CACNA1D: variants seen among roughly 807,000 people sequenced by gnomAD.
The protein encoded by CACNA1D is calcium voltage-gated channel subunit alpha1 D.
Under a neutral mutation model 257.1 loss-of-function variants are expected in CACNA1D, and 55 were observed. The observed-to-expected ratio is 0.21, with a 90% CI of 0.17 to 0.27. The LOEUF is 0.27. Ranked by LOEUF, CACNA1D falls within the 10% of genes least tolerant of loss-of-function variation. The pLI, the probability that CACNA1D is intolerant of heterozygous loss-of-function variation, is 1.00. For synonymous variants in CACNA1D, 980 were observed against 1,014.9 expected (o/e 0.97, Z 0.65); for missense variants, 1,876 against 2,784.0 (o/e 0.67, Z 7.34).
At chr3:53,535,407 G>C (rs1485142031) in intron 3 of CACNA1D, among the ~76,000 whole-genome samples, 2 of 152,178 alleles carry the variant, frequency 1.3e-5, no homozygotes, top group African/African-American at 4.8e-5. Flanking sequence ...AGATTACATG[G>C]TATGTGCTTG....
At chr3:53,587,288 G>T (rs551923788) in intron 3 of CACNA1D, among the ~76,000 whole-genome samples, 2 of 152,286 alleles carry the variant, frequency 1.3e-5, no homozygotes, top group South Asian at 4.2e-4. Context: ...GAAGATTCGA[G>T]AACTATTGGG....
In CACNA1D at chr3:53,813,272, C is replaced by A. The variant is rs1426634334; in HGVS notation, c.*1866C>A. On this transcript the variant is annotated 3_prime_UTR_variant, in exon 48 of 48. Transcript: ENST00000350061. ...AAATGACTCTTTCCTGACATAAATC[C>A]TTTTTTATTAAAATGCAAAATGTTC... 1 of 151,890 alleles carries A rather than the reference C, an allele frequency of 6.6e-6. No individual in the cohort carries two copies. The highest frequency in any genetic ancestry group is 1.5e-5 in the Non-Finnish European group (1 of 67,986). The allele number at this position is 151,890 out of a possible 1,614,324, so 9.4% of individuals were successfully genotyped here.
intron 9 of CACNA1D, among the ~76,000 whole-genome samples, chr3:53,706,196 C>T (rs527322180): frequency 4.0e-4 from 61 of 152,314 alleles, no homozygotes; most frequent in Non-Finnish European, 6.6e-4. Context: ...CAGCTGGGTC[C>T]TGGATGTGAG....
chr3:53,639,045 A>C (rs553586868), intron 3 of CACNA1D, among the ~76,000 whole-genome samples: 1 of 152,184 alleles, frequency 6.6e-6, no homozygotes, highest in South Asian at 2.1e-4. Flanking sequence ...GTCTCTTCAA[A>C]CCAGAGGGCA....
chr3:53,541,732 T>C (rs548105248), intron 3 of CACNA1D, among the ~76,000 whole-genome samples: 92 of 152,250 alleles, frequency 6.0e-4, no homozygotes, highest in African/African-American at 2.2e-3. Flanking sequence ...GTGAACACCG[T>C]GAGGAAGGTG....
intron 3 of CACNA1D, among the ~76,000 whole-genome samples, chr3:53,522,957 C>T (rs2091635270): frequency 6.6e-6 from 1 of 152,202 alleles, no homozygotes; most frequent in Admixed American, 6.5e-5. Flanking sequence ...TATTATTCTA[C>T]TCCCTGTCTC....
At chr3:53,810,480 G>A in intron 47 of CACNA1D, 182 bp downstream of exon 47, 1 of 676,046 alleles carries the variant, frequency 1.5e-6, no homozygotes, top group South Asian at 1.7e-5. Context: ...ACCACCACTG[G>A]CTGCAGTGGC....
At chr3:53,686,382 A>G (rs2094473571) in intron 8 of CACNA1D, among the ~76,000 whole-genome samples, 1 of 152,086 alleles carries the variant, frequency 6.6e-6, no homozygotes, top group African/African-American at 2.4e-5. Context: ...CTCAATACCA[A>G]AACTTTACAA....
At chr3:53,642,991 A>G (rs1335234310) in intron 3 of CACNA1D, among the ~76,000 whole-genome samples, 1 of 152,190 alleles carries the variant, frequency 6.6e-6, no homozygotes, top group Non-Finnish European at 1.5e-5. Flanking sequence ...TTACCATAAC[A>G]CTGGTGGGCA....
In CACNA1D at chr3:53,723,591, A is replaced by G; in HGVS notation, c.1824A>G (p.Glu608=). ...GITETILVEL[E]IMSPLGISVF... ...CTGAGACGATCTTGGTGGAACTGGA[A>G]ATCATGTCTCCCCTGGGGATCTCTG... The change falls in exon 13 of 48, where the codon GAA becomes GAG. Residue 608 remains glutamate (E), a synonymous_variant. Transcript: ENST00000350061. The surrounding 1 kb of genome is among the most constrained non-coding windows in gnomAD (Gnocchi z 5.6). The G allele has an allele frequency of 6.2e-7, 1 of 1,614,056 alleles. No homozygotes were observed.
At chr3:53,575,213 T>C (rs1040110626) in intron 3 of CACNA1D, among the ~76,000 whole-genome samples, 7 of 152,114 alleles carry the variant, frequency 4.6e-5, no homozygotes, top group African/African-American at 1.7e-4. Flanking sequence ...ACCCGATCTG[T>C]GCACAGGAAG....
Position 53,615,036 on chromosome 3 carries a change from T to C in CACNA1D, c.484-35743T>C, listed in dbSNP as rs75767880. ...AAATGACTAACACATTTAAATAAGA[T>C]GCAAAGATAACAGGCAAATAGAAAA... On this transcript the variant is annotated intron_variant, in intron 3 of 47. Transcript: ENST00000350061. 4.2e-3 allele frequency among the ~76,000 whole-genome samples: 643 copies of C among 152,340 alleles called. 22 individuals are homozygous for C. The East Asian group carries it at 0.084, about 20-fold the overall frequency.
intron 39 of CACNA1D, among the ~76,000 whole-genome samples, chr3:53,785,258 C>T (rs1340419029): frequency 6.6e-6 from 1 of 152,120 alleles, no homozygotes; most frequent in African/African-American, 2.4e-5. Flanking sequence ...AGATTAGGAA[C>T]CATGTTTTAC....
At position 53,514,645 on chromosome 3, in the gene CACNA1D, G is replaced by T. The variant is rs1410901678; in HGVS notation, c.483+12925G>T. Among the ~76,000 whole-genome samples, 4 of 152,148 alleles carry T rather than the reference G, an allele frequency of 2.6e-5. No individual in the cohort carries two copies. In the East Asian group the frequency reaches 7.7e-4, roughly 29 times the overall value. On this transcript the variant is annotated intron_variant, in intron 3 of 47. Transcript: ENST00000350061. ...GCTGTGAGCCAGAGGTTTAAGATGG[G>T]CTTCAGCCTCACAGCAGTCCTGTGA...
intron 3 of CACNA1D, among the ~76,000 whole-genome samples, chr3:53,519,774 C>G (rs2091480458): frequency 1.3e-5 from 2 of 152,154 alleles, no homozygotes. Context: ...CCAAAGAAAC[C>G]CCATACCTAT....
intron 3 of CACNA1D, among the ~76,000 whole-genome samples, chr3:53,612,290 T>C (rs1014883903): frequency 6.6e-6 from 1 of 152,216 alleles, no homozygotes; most frequent in African/African-American, 2.4e-5. Context: ...GTAAAAATTA[T>C]ATTGTGGAGC....
intron 3 of CACNA1D, among the ~76,000 whole-genome samples, chr3:53,543,806 C>G (rs1398942947): frequency 1.1e-4 from 16 of 152,066 alleles, no homozygotes; most frequent in Non-Finnish European, 1.6e-4. Context: ...AGATTCATAC[C>G]CAGATCAGCC....
At chr3:53,592,844 C>T (rs901053868) in intron 3 of CACNA1D, among the ~76,000 whole-genome samples, 23 of 152,250 alleles carry the variant, frequency 1.5e-4, no homozygotes, top group South Asian at 4.2e-4. Context: ...CCTGCCACCA[C>T]GCCCAGCTAA....
Position 53,780,135 on chromosome 3 carries a change from A to C in CACNA1D, c.4690+7A>C, listed in dbSNP as rs1173291074. ...CTTAAGATCAAGACCGAAGGTGAGCATTCCCTGCCAGCAAGACAAGATGGC... is the reference window on the plus strand; with the variant it reads ...CTTAAGATCAAGACCGAAGGTGAGCCTTCCCTGCCAGCAAGACAAGATGGC... On this transcript the variant is annotated splice_region_variant and intron_variant, in intron 38 of 47. Transcript: ENST00000350061. The C allele has an allele frequency of 6.3e-7, 1 of 1,598,694 alleles. No homozygotes were observed. The highest frequency in any genetic ancestry group is 1.1e-5 in the South Asian group (1 of 90,818).
Sources: gnomAD v4.1 joint callset for allele counts (sites outside exome capture counted in the v4.1 genomes callset) on GRCh38, gnomAD v4.1.1 for gene constraint, Gnocchi (gnomAD v3.1) non-coding constraint, MANE v1.5 for transcripts, NCBI Gene and HGNC (gene_info 2026-07-23, HGNC 2026-07-21) for gene names.